The following MTMR2 variants were observed in gnomAD, a reference collection of about 807,000 sequenced individuals.
MTMR2 encodes myotubularin related protein 2, also known as phosphatidylinositol-3,5-bisphosphate 3-phosphatase MTMR2.
A neutral mutation model predicts 86.9 loss-of-function variants in MTMR2; 55 were observed. That is an observed-to-expected ratio of 0.63 (90% CI 0.51 to 0.79). The LOEUF is 0.79. Ranked by LOEUF, MTMR2 falls within the 30% of genes least tolerant of loss-of-function variation. The pLI is 0.00. For synonymous variants in MTMR2, 241 were observed against 266.8 expected (o/e 0.90, Z 0.94); for missense variants, 659 against 772.3 (o/e 0.85, Z 1.74).
At chr11:95,865,800 C>T in intron 2 of MTMR2, 124 bp from the exon 3 acceptor site, 1 of 798,896 alleles carries the variant, frequency 1.3e-6, no homozygotes, top group Non-Finnish European at 2.1e-6. Context: ...TATTTTAAAT[C>T]AAATTTGTTA....
chr11:95,850,549 T>C, intron 8 of MTMR2, 51 bp downstream of exon 8: 3 of 1,561,192 alleles, frequency 1.9e-6, no homozygotes, highest in Non-Finnish European at 2.6e-6. Flanking sequence ...ATCTCAGCAT[T>C]ATGTTGAGTA....
At chr11:95,891,449 C>CA (rs35505103) in intron 1 of MTMR2, among the ~76,000 whole-genome samples, 46,505 of 137,308 alleles carry the variant, frequency 0.34, 8,093 homozygotes, top group Non-Finnish European at 0.42. Flanking sequence ...AGACTCTCAC[C>CA]AAAAAAAAAA....
intron 11 of MTMR2, among the ~76,000 whole-genome samples, chr11:95,843,533 A>G (rs1237490370): frequency 1.3e-5 from 2 of 152,192 alleles, no homozygotes; most frequent in Admixed American, 6.5e-5. Flanking sequence ...AATATCTACA[A>G]TTCCCTGAAA....
At chr11:95,854,887 C>A (rs1183463579) in intron 7 of MTMR2, among the ~76,000 whole-genome samples, 5 of 152,112 alleles carry the variant, frequency 3.3e-5, no homozygotes, top group Non-Finnish European at 7.4e-5. Context: ...GGGCTCACTG[C>A]AGCCTCGAGC....
At chr11:95,856,071 TAATG>T (rs898288059) in intron 7 of MTMR2, among the ~76,000 whole-genome samples, 4 of 152,086 alleles carry the variant, frequency 2.6e-5, no homozygotes, top group Admixed American at 1.3e-4. Context: ...CAAAATATAT[TAATG>T]AAGAAAGAAA....
At chr11:95,839,356 T>G (rs1863436750) in intron 12 of MTMR2, among the ~76,000 whole-genome samples, 1 of 151,986 alleles carries the variant, frequency 6.6e-6, no homozygotes, top group Admixed American at 6.6e-5. Context: ...ATCCCACCTA[T>G]TTTTCACACT....
intron 3 of MTMR2, among the ~76,000 whole-genome samples, chr11:95,864,109 A>C (rs1864520112): frequency 6.6e-6 from 1 of 152,156 alleles, no homozygotes; most frequent in African/African-American, 2.4e-5. Context: ...GTTGGGTATA[A>C]GGTTCCTATG....
chr11:95,874,115 T>C (rs1277873920), intron 2 of MTMR2, among the ~76,000 whole-genome samples: 2 of 152,218 alleles, frequency 1.3e-5, no homozygotes, highest in Non-Finnish European at 2.9e-5. Flanking sequence ...TTAGGTCTGC[T>C]TGGTGCAGAG....
At chr11:95,835,590 T>C in intron 14 of MTMR2, 139 bp from the exon 15 acceptor site, 1 of 844,068 alleles carries the variant, frequency 1.2e-6, no homozygotes, top group Non-Finnish European at 1.9e-6. Context: ...TGAAATTAAA[T>C]ACCGGGACTG....
chr11:95,850,386 T>C (rs899034790), intron 8 of MTMR2, among the ~76,000 whole-genome samples: 7 of 152,190 alleles, frequency 4.6e-5, no homozygotes, highest in Non-Finnish European at 1.0e-4. Flanking sequence ...TGCAATTCTG[T>C]GCAGTTATCT....
chr11:95,866,593 T>C (rs1483274597), intron 2 of MTMR2: 1 of 151,366 alleles, frequency 6.6e-6, no homozygotes, highest in Admixed American at 6.6e-5. Context: ...ATGCAATACC[T>C]AAAGAAATAG....
In MTMR2 at chr11:95,916,396, A is replaced by AC. The variant is rs1157512226; in HGVS notation, c.80+7478_80+7479insG. Among the ~76,000 whole-genome samples, 158 of 152,284 alleles carry AC rather than the reference A, an allele frequency of 1.0e-3. 1 individual carries two copies. The highest frequency in any genetic ancestry group is 3.7e-3 in the African/African-American group (152 of 41,566). ...AATGACATGTGACTGCCAAAAAAGTATCCTTCAAAGAGAGAGAGTATGCTC... is the reference window on the plus strand; with the variant it reads ...AATGACATGTGACTGCCAAAAAAGTACTCCTTCAAAGAGAGAGAGTATGCTC... On this transcript the variant is annotated intron_variant, in intron 1 of 14. Coordinates refer to ENST00000346299, the MANE Select transcript of MTMR2 (RefSeq NM_016156.6).
chr11:95,891,548 C>T (rs750051694), intron 1 of MTMR2, among the ~76,000 whole-genome samples: 1 of 152,020 alleles, frequency 6.6e-6, no homozygotes, highest in Non-Finnish European at 1.5e-5. Context: ...AATCCAGGTA[C>T]TGCAACTTAT....
chr11:95,857,478 C>T (rs1172520124), intron 7 of MTMR2, 74 bp downstream of exon 7: 13 of 1,048,252 alleles, frequency 1.2e-5, no homozygotes, highest in Non-Finnish European at 1.9e-5. Context: ...GGTTTTCGTA[C>T]ATGGTTCCAC....
intron 13 of MTMR2, among the ~76,000 whole-genome samples, chr11:95,836,997 T>C (rs1863313647): frequency 1.3e-5 from 2 of 152,014 alleles, no homozygotes; most frequent in Non-Finnish European, 2.9e-5. Flanking sequence ...TGCATATTAT[T>C]ATCAATTTAA....
intron 2 of MTMR2, among the ~76,000 whole-genome samples, chr11:95,880,246 T>G (rs1865275497): frequency 6.6e-6 from 1 of 152,030 alleles, no homozygotes; most frequent in Admixed American, 6.6e-5. Flanking sequence ...CTCGTGTGTT[T>G]TAGGAGGAGC....
intron 2 of MTMR2, among the ~76,000 whole-genome samples, chr11:95,876,612 AG>A (rs1865121894): frequency 6.6e-6 from 1 of 152,198 alleles, no homozygotes; most frequent in African/African-American, 2.4e-5. Flanking sequence ...TATCAAGAAA[AG>A]TCTGATAATC....
chr11:95,919,539 T>C lies in MTMR2; in HGVS notation c.80+4336A>G, dbSNP rs111570763. Among the ~76,000 whole-genome samples the C allele has an allele frequency of 1.9e-3, 283 of 152,232 alleles. 1 individual carries two copies. Among genetic ancestry groups the C allele is most frequent in the African/African-American group, 6.3e-3 (262 of 41,536 alleles). On this transcript the variant is annotated intron_variant, in intron 1 of 14. Transcript: ENST00000346299. ...GAAGGATGACAAGAACACACATTAA[T>C]TAAAACGACTAACAACACAAGTTAG...
chr11:95,878,488 A>G (rs557784233), intron 2 of MTMR2, among the ~76,000 whole-genome samples: 108 of 152,208 alleles, frequency 7.1e-4, no homozygotes, highest in African/African-American at 2.5e-3. Flanking sequence ...ATCAGTTGCA[A>G]CAAATGCACC....
Sources: allele counts gnomAD v4.1 joint callset (sites outside exome capture counted in the v4.1 genomes callset), GRCh38; gene constraint gnomAD v4.1.1; transcripts MANE v1.5; gene names NCBI Gene and HGNC (gene_info 2026-07-23, HGNC 2026-07-21).